Variants in SUCLG2 observed in about 807,000 individuals in gnomAD.
The protein encoded by SUCLG2 is succinate-CoA ligase GDP-forming subunit beta.
SUCLG2 carries 42 observed loss-of-function variants against 47.9 expected under a neutral mutation model. That is an observed-to-expected ratio of 0.88 (90% CI 0.69 to 1.14). SUCLG2 has a LOEUF of 1.14. Among genes scored for constraint, SUCLG2 ranks in the 50% most tolerant of loss-of-function variants. The probability of loss-of-function intolerance (pLI) is 0.00; values close to 1 mark genes in which losing one functional copy is unlikely to be tolerated. For synonymous variants in SUCLG2, 195 were observed against 197.3 expected, an observed-to-expected ratio of 0.99 and a Z score of 0.10; for missense variants, 571 against 525.9, an observed-to-expected ratio of 1.09 and a Z score of -0.84.
intron 9 of SUCLG2, among the ~76,000 whole-genome samples, chr3:67,410,250 T>C (rs1463072762): frequency 6.6e-6 from 1 of 152,108 alleles, no homozygotes; most frequent in African/African-American, 2.4e-5. Context: ...TCTACAAAAG[T>C]AGAAGGCTTT....
At chr3:67,522,915 C>A (rs1706156120) in intron 4 of SUCLG2, among the ~76,000 whole-genome samples, 1 of 151,862 alleles carries the variant, frequency 6.6e-6, no homozygotes, top group South Asian at 2.1e-4. Context: ...CCGCCCGCCT[C>A]GGCCTCCCAA....
At chr3:67,636,603 C>T (rs952869132) in intron 1 of SUCLG2, among the ~76,000 whole-genome samples, 9 of 152,098 alleles carry the variant, frequency 5.9e-5, no homozygotes, top group East Asian at 1.9e-4. Context: ...CCACCTGCCT[C>T]GGCCTCCCAA....
intron 2 of SUCLG2, among the ~76,000 whole-genome samples, chr3:67,602,415 G>A (rs1228981457): frequency 1.3e-5 from 2 of 152,078 alleles, no homozygotes; most frequent in Admixed American, 6.6e-5. Context: ...CCCACAACCC[G>A]CCTTGATCTC....
intron 9 of SUCLG2, among the ~76,000 whole-genome samples, chr3:67,401,657 C>T (rs181847725): frequency 4.0e-5 from 6 of 149,496 alleles, no homozygotes; most frequent in East Asian, 2.0e-4. Context: ...ACATGAAGAA[C>T]GAGATAATGA....
chr3:67,405,814 A>T (rs1022916636), intron 9 of SUCLG2, among the ~76,000 whole-genome samples: 2 of 152,234 alleles, frequency 1.3e-5, no homozygotes, highest in African/African-American at 4.8e-5. Context: ...AAATACAACC[A>T]TAATTAACGT....
At chr3:67,520,009 C>A (rs1265646817) in intron 5 of SUCLG2, among the ~76,000 whole-genome samples, 1 of 152,058 alleles carries the variant, frequency 6.6e-6, no homozygotes, top group Non-Finnish European at 1.5e-5. Context: ...CTGATAGAAT[C>A]TAGACTTCAT....
intron 9 of SUCLG2, among the ~76,000 whole-genome samples, chr3:67,439,484 C>G (rs1035413118): frequency 1.8e-4 from 28 of 152,204 alleles, no homozygotes; most frequent in Admixed American, 1.8e-3. Flanking sequence ...TTTAGAAAAC[C>G]CCATTGTCTC....
intron 2 of SUCLG2, among the ~76,000 whole-genome samples, chr3:67,546,734 C>T (rs1706874859): frequency 6.6e-6 from 1 of 151,934 alleles, no homozygotes; most frequent in South Asian, 2.1e-4. Context: ...GACTCTGTCT[C>T]AAAACAAACA....
At chr3:67,504,066 A>G (rs561138566) in intron 7 of SUCLG2, among the ~76,000 whole-genome samples, 1 of 152,362 alleles carries the variant, frequency 6.6e-6, no homozygotes, top group South Asian at 2.1e-4. Context: ...CAAGCAACGT[A>G]CTGCGTTTGA....
At chr3:67,377,819 A>G (rs1702066917) in intron 10 of SUCLG2, among the ~76,000 whole-genome samples, 1 of 151,946 alleles carries the variant, frequency 6.6e-6, no homozygotes, top group Non-Finnish European at 1.5e-5. Context: ...ACGCCCAGCT[A>G]TTTTTTGTAT....
chr3:67,393,449 G>A (rs1702443075), intron 10 of SUCLG2, among the ~76,000 whole-genome samples: 1 of 152,196 alleles, frequency 6.6e-6, no homozygotes, highest in African/African-American at 2.4e-5. Context: ...CAAACTGCAA[G>A]GCGGCAGCGA....
At chr3:67,453,352 G>C (rs1704103086) in intron 9 of SUCLG2, among the ~76,000 whole-genome samples, 1 of 152,012 alleles carries the variant, frequency 6.6e-6, no homozygotes, top group South Asian at 2.1e-4. Flanking sequence ...TCACAATCCA[G>C]GCACCAACAG....
At chr3:67,604,055 T>A (rs1230861500) in intron 2 of SUCLG2, among the ~76,000 whole-genome samples, 1 of 152,220 alleles carries the variant, frequency 6.6e-6, no homozygotes, top group East Asian at 1.9e-4. Flanking sequence ...CATTAAAAAC[T>A]TAATTCAAAC....
At chr3:67,536,025 T>C (rs1706532043) in intron 2 of SUCLG2, among the ~76,000 whole-genome samples, 1 of 152,176 alleles carries the variant, frequency 6.6e-6, no homozygotes, top group Non-Finnish European at 1.5e-5. Context: ...CTGAGTTGCT[T>C]GAGAATCCAC....
chr3:67,560,196 T>C (rs146508505), intron 2 of SUCLG2, among the ~76,000 whole-genome samples: 61 of 152,190 alleles, frequency 4.0e-4, no homozygotes, highest in Admixed American at 7.8e-4. Flanking sequence ...GGAGATTGAG[T>C]TGTTGAAGAT....
At chr3:67,650,008 GCAAA>G (rs1307418625) in intron 1 of SUCLG2, among the ~76,000 whole-genome samples, 1 of 152,134 alleles carries the variant, frequency 6.6e-6, no homozygotes, top group Non-Finnish European at 1.5e-5. Context: ...CTTATTTACA[GCAAA>G]CAAAACCAAT....
chr3:67,375,782 C>A lies in SUCLG2; in HGVS notation c.1261G>T (p.Ala421Ser). ...PITSAIDLED[A>S]AKKAVASVAK... ...ACACTGGCCACAGCCTTCTTGGCTG[C>A]ATCCTCCAGGTCAATGGCTGAAGTA... The change falls in exon 11 of 11, where the codon GCA becomes TCA. Residue 421 changes from alanine (A) to serine (S), a missense_variant. By Grantham distance (99) the Ala-to-Ser change is moderately conservative. Coordinates refer to ENST00000307227, the MANE Select transcript of SUCLG2 (RefSeq NM_003848.4). 1 of 1,613,894 alleles carries A rather than the reference C, an allele frequency of 6.2e-7. No homozygotes were observed. Among genetic ancestry groups the A allele is most frequent in the Middle Eastern group, 1.7e-4 (1 of 5,984 alleles).
chr3:67,361,710 T>C (rs1025393992), intron 10 of SUCLG2, among the ~76,000 whole-genome samples: 5 of 152,218 alleles, frequency 3.3e-5, no homozygotes, highest in African/African-American at 1.2e-4. Flanking sequence ...CTTGCTTTTT[T>C]GCCATGGGGT....
At chr3:67,563,469 G>A (rs60395742) in intron 2 of SUCLG2, among the ~76,000 whole-genome samples, 3,331 of 152,232 alleles carry the variant, frequency 0.022, 135 homozygotes, top group African/African-American at 0.076. Flanking sequence ...AATATGATAC[G>A]TCCATAAACT....
Sources: gnomAD v4.1 joint callset for allele counts (sites outside exome capture counted in the v4.1 genomes callset) on GRCh38, gnomAD v4.1.1 for gene constraint, MANE v1.5 for transcripts, NCBI Gene and HGNC (gene_info 2026-07-23, HGNC 2026-07-21) for gene names.